The following EXOC6B variants were observed in gnomAD, a reference collection of about 807,000 sequenced individuals.
The protein encoded by EXOC6B is exocyst complex component 6B.
A neutral mutation model predicts 113.5 loss-of-function variants in EXOC6B; 54 were observed. That is an observed-to-expected ratio of 0.48 (90% CI 0.38 to 0.60). The LOEUF (loss-of-function observed/expected upper bound fraction) is 0.60. Ranked by LOEUF, EXOC6B falls within the 20% of genes least tolerant of loss-of-function variation. EXOC6B has a pLI of 0.00. For missense variants in EXOC6B, 797 were observed against 977.5 expected, an observed-to-expected ratio of 0.82 and a Z score of 2.46; for synonymous variants, 357 against 339.0, an observed-to-expected ratio of 1.05 and a Z score of -0.58.
At chr2:72,817,769 T>A (rs1686336574) in intron 1 of EXOC6B, among the ~76,000 whole-genome samples, 4 of 152,220 alleles carry the variant, frequency 2.6e-5, no homozygotes, top group African/African-American at 7.2e-5. Flanking sequence ...TTAATTCCCA[T>A]AACTAATCCA....
At chr2:72,630,247 G>A (rs912546337) in intron 6 of EXOC6B, among the ~76,000 whole-genome samples, 5 of 152,032 alleles carry the variant, frequency 3.3e-5, no homozygotes, top group Non-Finnish European at 1.5e-5. Context: ...TCATCCTCTA[G>A]CCAGTCATCC....
intron 1 of EXOC6B, among the ~76,000 whole-genome samples, chr2:72,806,543 TA>T (rs1685586139): frequency 6.6e-6 from 1 of 152,238 alleles, no homozygotes; most frequent in Non-Finnish European, 1.5e-5. Flanking sequence ...TTTAGGTATA[TA>T]CCCAGTAATG....
chr2:72,296,184 T>C (rs1389483487), intron 20 of EXOC6B, among the ~76,000 whole-genome samples: 3 of 152,172 alleles, frequency 2.0e-5, no homozygotes, highest in Non-Finnish European at 2.9e-5. Flanking sequence ...TATAGGATAA[T>C]ATTTCTTCAT....
intron 20 of EXOC6B, among the ~76,000 whole-genome samples, chr2:72,302,323 C>T (rs780983582): frequency 6.6e-6 from 1 of 151,976 alleles, no homozygotes; most frequent in Non-Finnish European, 1.5e-5. Flanking sequence ...CTGTTGTTTT[C>T]GGGGGGAGAA....
At chr2:72,493,129 A>G (rs957771318) in intron 15 of EXOC6B, among the ~76,000 whole-genome samples, 5 of 152,060 alleles carry the variant, frequency 3.3e-5, no homozygotes, top group African/African-American at 9.7e-5. Context: ...CAATACATTA[A>G]GACTTTAGTT....
intron 20 of EXOC6B, among the ~76,000 whole-genome samples, chr2:72,236,036 G>A (rs1681938718): frequency 6.6e-6 from 1 of 152,164 alleles, no homozygotes; most frequent in Admixed American, 6.5e-5. Context: ...CTATTTCTGA[G>A]AAGAAAGGAT....
At chr2:72,809,199 A>T (rs546671884) in intron 1 of EXOC6B, among the ~76,000 whole-genome samples, 1 of 152,302 alleles carries the variant, frequency 6.6e-6, no homozygotes, top group African/African-American at 2.4e-5. Context: ...ATAAACAAAA[A>T]ATAAAACTTC....
At chr2:72,751,585 G>T (rs1682046624) in intron 1 of EXOC6B, among the ~76,000 whole-genome samples, 1 of 151,928 alleles carries the variant, frequency 6.6e-6, no homozygotes. Flanking sequence ...TTTATTTTTG[G>T]TTTACAAATA....
At chr2:72,489,758 T>TA (rs1252098032) in intron 16 of EXOC6B, among the ~76,000 whole-genome samples, 3 of 152,046 alleles carry the variant, frequency 2.0e-5, no homozygotes, top group Non-Finnish European at 4.4e-5. Flanking sequence ...CCATTCTCGC[T>TA]AAAAAAATAA....
chr2:72,524,151 A>C (rs953314583), intron 8 of EXOC6B, among the ~76,000 whole-genome samples: 1 of 103,462 alleles, frequency 9.7e-6, no homozygotes, highest in African/African-American at 5.6e-5. Context: ...TACAGAGTTT[A>C]AAAAAAAAAA....
chr2:72,401,613 AT>A (rs1573037081), intron 18 of EXOC6B, among the ~76,000 whole-genome samples: 1 of 46,578 alleles, frequency 2.1e-5, no homozygotes, highest in East Asian at 4.0e-4. Flanking sequence ...GTGTATATAT[AT>A]ATATATACAT....
In EXOC6B at chr2:72,741,344, G is replaced by C. The variant is rs1681309181; in HGVS notation, c.239C>G (p.Thr80Ser). 2 of 1,613,542 alleles carry C rather than the reference G, an allele frequency of 1.2e-6. No homozygotes were observed. Among genetic ancestry groups the C allele is most frequent in the African/African-American group, 2.7e-5 (2 of 74,816 alleles). The change falls in exon 2 of 22, where the codon ACT becomes AGT. Residue 80 changes from threonine to serine, a missense_variant. By Grantham distance (58) the Thr-to-Ser change is moderately conservative (BLOSUM62 1). Coordinates refer to ENST00000272427, the MANE Select transcript of EXOC6B (RefSeq NM_015189.3). Reference sequence around the variant, plus strand: ...TTCTCCTCTCACTTTCAGCAGTTCAGTTATAGAGTCCACAAAGCCCTGGTA... The same window carrying C: ...TTCTCCTCTCACTTTCAGCAGTTCACTTATAGAGTCCACAAAGCCCTGGTA... ...FHYQGFVDSI[T>S]ELLKVRGEAQ...
At chr2:72,740,635 C>T (rs1681239367) in intron 2 of EXOC6B, among the ~76,000 whole-genome samples, 1 of 152,090 alleles carries the variant, frequency 6.6e-6, no homozygotes, top group Non-Finnish European at 1.5e-5. Flanking sequence ...AGGTGGCATG[C>T]TACAAAGAAT....
intron 17 of EXOC6B, 71 bp from the exon 18 acceptor site, chr2:72,465,410 G>T: frequency 8.4e-7 from 1 of 1,187,858 alleles, no homozygotes; most frequent in Non-Finnish European, 1.2e-6. Flanking sequence ...TGAGCTTAGA[G>T]CCATCTGACA....
intron 8 of EXOC6B, among the ~76,000 whole-genome samples, chr2:72,550,907 TA>T (rs1404911580): frequency 1.1e-4 from 16 of 150,688 alleles, no homozygotes; most frequent in African/African-American, 2.2e-4. Context: ...AACTGCCATT[TA>T]TTTTTTTTTT....
chr2:72,325,508 C>T (rs1476240404), intron 20 of EXOC6B, among the ~76,000 whole-genome samples: 1 of 151,916 alleles, frequency 6.6e-6, no homozygotes, highest in African/African-American at 2.4e-5. Flanking sequence ...TTATCTCCTG[C>T]TACCCAAAAG....
Position 72,492,344 on chromosome 2 carries a change from T to C in EXOC6B, c.1639A>G (p.Lys547Glu), listed in dbSNP as rs1309672363. The stretch of plus-strand genomic sequence containing the variant: ...TCAGTAAGCCCAATATTCTTCCTTT[T>C]AATTACATTCTGCAGAGAGTTGCTC... ...TLSNSLQNVI[K>E]RKNIGLTELV... The change falls in exon 16 of 22, where the codon AAA becomes GAA. Residue 547 changes from lysine to glutamate, a missense_variant. By Grantham distance (56) the Lys-to-Glu change is moderately conservative (BLOSUM62 1). Coordinates refer to ENST00000272427, the MANE Select transcript of EXOC6B (RefSeq NM_015189.3). 1.2e-6 allele frequency: 2 copies of C among 1,612,556 alleles called. No individual in the cohort carries two copies. Among genetic ancestry groups the C allele is most frequent in the Admixed American group, 1.7e-5 (1 of 59,988 alleles).
intron 1 of EXOC6B, among the ~76,000 whole-genome samples, chr2:72,793,723 A>C (rs531824660): frequency 6.6e-6 from 1 of 152,334 alleles, no homozygotes; most frequent in African/African-American, 2.4e-5. Context: ...GTCACTGGGT[A>C]GAGTTACAGG....
chr2:72,344,286 G>A (rs990729926), intron 19 of EXOC6B, among the ~76,000 whole-genome samples: 10 of 151,874 alleles, frequency 6.6e-5, no homozygotes, highest in African/African-American at 2.4e-4. Flanking sequence ...TCTTTTTTAG[G>A]TTTTATATCT....
Sources: gnomAD v4.1 joint callset for allele counts (sites outside exome capture counted in the v4.1 genomes callset) on GRCh38, gnomAD v4.1.1 for gene constraint, MANE v1.5 for transcripts, NCBI Gene and HGNC (gene_info 2026-07-23, HGNC 2026-07-21) for gene names.